MINDY3: variants seen among roughly 807,000 people sequenced by gnomAD.
MINDY3 encodes ubiquitin carboxyl-terminal hydrolase MINDY-3.
A neutral mutation model predicts 69.2 loss-of-function variants in MINDY3; 38 were observed. The observed-to-expected ratio is 0.55, with a 90% CI of 0.42 to 0.72. The LOEUF is 0.72. Among genes scored for constraint, MINDY3 ranks in the 30% least tolerant of loss-of-function variants. The pLI is 0.00. For missense variants in MINDY3, 522 were observed against 519.0 expected (o/e 1.01, Z -0.06); for synonymous variants, 192 against 180.1 (o/e 1.07, Z -0.53).
At chr10:15,793,331 C>T (rs1016818939) in intron 11 of MINDY3, among the ~76,000 whole-genome samples, 1 of 152,088 alleles carries the variant, frequency 6.6e-6, no homozygotes, top group South Asian at 2.1e-4. Flanking sequence ...AGCCAATTAT[C>T]TAGAGGTGAT....
At chr10:15,802,928 C>T (rs569344708) in intron 10 of MINDY3, among the ~76,000 whole-genome samples, 1 of 152,052 alleles carries the variant, frequency 6.6e-6, no homozygotes, top group Non-Finnish European at 1.5e-5. Context: ...GATGTGTTTA[C>T]ACTAGAGGAT....
intron 10 of MINDY3, among the ~76,000 whole-genome samples, chr10:15,806,411 G>A (rs1432016071): frequency 6.6e-6 from 1 of 152,082 alleles, no homozygotes; most frequent in African/African-American, 2.4e-5. Flanking sequence ...GGGAGGCTTG[G>A]ATTAGTATGA....
At position 15,778,612 on chromosome 10, in the gene MINDY3, TA is replaced by T. The variant is rs902252320; in HGVS notation, c.*379del. The T allele has an allele frequency of 2.5e-5, 4 of 157,306 alleles. No individual in the cohort carries two copies. Among genetic ancestry groups the T allele is most frequent in the African/African-American group, 4.8e-5 (2 of 41,524 alleles). 9.7% of individuals were successfully genotyped at this position (157,306 alleles called of 1,614,324 possible). A position where few individuals can be genotyped will look rare whatever the true frequency, so the allele number is the denominator to read the frequency against. On this transcript the variant is annotated 3_prime_UTR_variant, in exon 15 of 15. Transcript: ENST00000277632. Reference sequence around the variant, plus strand: ...TTACAAGCCGGAATCATTCAAACAATAAAAAAAGTGCCTCAATGAAATAAAA... The same window carrying T: ...TTACAAGCCGGAATCATTCAAACAATAAAAAAGTGCCTCAATGAAATAAAA...
Position 15,837,325 on chromosome 10 carries a change from GA to G in MINDY3, c.462-8del. 16 of 1,558,692 alleles carry G rather than the reference GA, an allele frequency of 1.0e-5. No individual in the cohort carries two copies. The highest frequency in any genetic ancestry group is 1.4e-5 in the African/African-American group (1 of 72,338). On this transcript the variant is annotated splice_polypyrimidine_tract_variant and splice_region_variant and intron_variant, in intron 5 of 14. Transcript: ENST00000277632. ...ACTTCTGAACGATCTTTTTCTGGGGGAAAAAAAGAATTAAGTATTGGTATCA... is the reference window on the plus strand; with the variant it reads ...ACTTCTGAACGATCTTTTTCTGGGGGAAAAAAGAATTAAGTATTGGTATCA...
chr10:15,857,407 G>C (rs928229179), intron 1 of MINDY3, among the ~76,000 whole-genome samples: 1 of 152,000 alleles, frequency 6.6e-6, no homozygotes, highest in Non-Finnish European at 1.5e-5. Flanking sequence ...TTTATGCTAC[G>C]TTATATTTAC....
At chr10:15,802,222 G>A (rs1262815921) in intron 10 of MINDY3, among the ~76,000 whole-genome samples, 1 of 152,022 alleles carries the variant, frequency 6.6e-6, no homozygotes, top group African/African-American at 2.4e-5. Flanking sequence ...TGTTACTCAA[G>A]GGTCAATTAT....
At chr10:15,837,774 C>T in intron 5 of MINDY3, 1 of 1,031,876 alleles carries the variant, frequency 9.7e-7, no homozygotes, top group Non-Finnish European at 1.2e-6. Flanking sequence ...AAACCAAATG[C>T]CACCCATAAT....
chr10:15,838,194 G>T, intron 5 of MINDY3, 34 bp downstream of exon 5: 1 of 1,586,848 alleles, frequency 6.3e-7, no homozygotes, highest in South Asian at 1.2e-5. Flanking sequence ...TGTGTCCACA[G>T]AGTAAGTATT....
At chr10:15,789,794 A>G (rs1167198438) in intron 11 of MINDY3, among the ~76,000 whole-genome samples, 1 of 152,168 alleles carries the variant, frequency 6.6e-6, no homozygotes, top group Non-Finnish European at 1.5e-5. Flanking sequence ...ACAGATTAAC[A>G]GCAAAGGTAT....
At chr10:15,839,828 T>A (rs749703657) in intron 4 of MINDY3, among the ~76,000 whole-genome samples, 66 of 151,700 alleles carry the variant, frequency 4.4e-4, no homozygotes, top group Admixed American at 2.6e-4. Context: ...GTTTACTTCA[T>A]GGCAACTTTT....
intron 3 of MINDY3, among the ~76,000 whole-genome samples, chr10:15,842,904 CAAA>C (rs370464190): frequency 1.5e-5 from 1 of 68,238 alleles, no homozygotes; most frequent in Non-Finnish European, 2.9e-5. Context: ...AATAAGACTA[CAAA>C]AAAAAAAAAA....
intron 11 of MINDY3, 136 bp downstream of exon 11, chr10:15,795,964 T>A: frequency 1.4e-6 from 1 of 724,536 alleles, no homozygotes; most frequent in Admixed American, 2.3e-5. Context: ...ACTACTTTCC[T>A]TTTAAAATGT....
At chr10:15,845,983 C>T (rs865970848) in intron 2 of MINDY3, among the ~76,000 whole-genome samples, 55 of 151,478 alleles carry the variant, frequency 3.6e-4, no homozygotes, top group African/African-American at 1.3e-3. Context: ...CCACTACACC[C>T]AGCTAATTTT....
intron 8 of MINDY3, among the ~76,000 whole-genome samples, chr10:15,822,388 G>A (rs1020408437): frequency 1.8e-4 from 27 of 152,142 alleles, no homozygotes; most frequent in Non-Finnish European, 1.5e-5. Context: ...TGTTAGGGAA[G>A]GCTTATAAAA....
At chr10:15,787,057 A>T (rs545097603) in intron 12 of MINDY3, among the ~76,000 whole-genome samples, 162 of 152,326 alleles carry the variant, frequency 1.1e-3, no homozygotes, top group African/African-American at 3.8e-3. Flanking sequence ...TACAGGGTCA[A>T]AAGGCAGTGG....
intron 12 of MINDY3, 113 bp from the exon 13 acceptor site, chr10:15,786,761 A>C (rs1837002814): frequency 1.5e-6 from 1 of 686,620 alleles, no homozygotes; most frequent in Non-Finnish European, 2.6e-6. Flanking sequence ...AAACACTAAG[A>C]GCTGTTCTTT....
chr10:15,848,017 T>G, intron 1 of MINDY3, 74 bp from the exon 2 acceptor site: 1 of 1,236,658 alleles, frequency 8.1e-7, no homozygotes, highest in Non-Finnish European at 1.2e-6. Context: ...TCATGTACTT[T>G]GCTTTGAGAA....
chr10:15,832,268 C>T (rs1427722172), intron 8 of MINDY3, among the ~76,000 whole-genome samples: 1 of 151,986 alleles, frequency 6.6e-6, no homozygotes. Context: ...GGATGAGGCA[C>T]CTCAACCCAA....
At chr10:15,830,012 C>T (rs1588610083) in intron 8 of MINDY3, among the ~76,000 whole-genome samples, 1 of 152,046 alleles carries the variant, frequency 6.6e-6, no homozygotes, top group Non-Finnish European at 1.5e-5. Context: ...AGACAAATTT[C>T]GAGAATGGAG....
Sources: allele counts gnomAD v4.1 joint callset (sites outside exome capture counted in the v4.1 genomes callset), GRCh38; gene constraint gnomAD v4.1.1; transcripts MANE v1.5; gene names NCBI Gene and HGNC (gene_info 2026-07-23, HGNC 2026-07-21).